ACKR2: variants seen among roughly 807,000 people sequenced by gnomAD.
The protein encoded by ACKR2 is atypical chemokine receptor 2.
For synonymous variants in ACKR2, 207 were observed against 192.2 expected (o/e 1.08, Z -0.64); for missense variants, 457 against 477.3 (o/e 0.96, Z 0.40).
At chr3:42,820,899 CT>C (rs1700804324) in intron 2 of ACKR2, among the ~76,000 whole-genome samples, 1 of 122,454 alleles carries the variant, frequency 8.2e-6, no homozygotes, top group African/African-American at 3.0e-5. Flanking sequence ...TTTTTTTTTT[CT>C]TTGAGATGGA....
chr3:42,847,394 C>T (rs1701109767), intron 2 of ACKR2, among the ~76,000 whole-genome samples: 1 of 152,074 alleles, frequency 6.6e-6, no homozygotes, highest in African/African-American at 2.4e-5. Context: ...TTTGTGCCGT[C>T]AATGGAGCAT....
At chr3:42,820,786 G>C (rs55953104) in intron 2 of ACKR2, among the ~76,000 whole-genome samples, 33,387 of 149,922 alleles carry the variant, frequency 0.22, 4,457 homozygotes, top group Non-Finnish European at 0.31. Flanking sequence ...TATAGCTGAT[G>C]AGAAGGAAAT....
At chr3:42,820,178 G>A (rs1306535938) in intron 2 of ACKR2, among the ~76,000 whole-genome samples, 2 of 152,184 alleles carry the variant, frequency 1.3e-5, no homozygotes, top group Non-Finnish European at 2.9e-5. Context: ...TCCTTTGTCA[G>A]AGATGGATGA....
chr3:42,827,693 C>G (rs1467936471), intron 2 of ACKR2, among the ~76,000 whole-genome samples: 1 of 152,064 alleles, frequency 6.6e-6, no homozygotes, highest in Non-Finnish European at 1.5e-5. Flanking sequence ...CAAGATTTGA[C>G]CAAGTGCCAA....
At chr3:42,818,220 T>G (rs1287635473) in intron 1 of ACKR2, among the ~76,000 whole-genome samples, 1 of 152,188 alleles carries the variant, frequency 6.6e-6, no homozygotes. Flanking sequence ...GCTCTCTACA[T>G]CTCTCTCCGC....
chr3:42,849,223 C>T (rs940787508), intron 2 of ACKR2, among the ~76,000 whole-genome samples: 10 of 152,120 alleles, frequency 6.6e-5, no homozygotes, highest in Non-Finnish European at 1.3e-4. Context: ...CCTTAGAGGC[C>T]GGCTGCTGTG....
intron 2 of ACKR2, among the ~76,000 whole-genome samples, chr3:42,862,642 G>A (rs748142184): frequency 1.3e-5 from 2 of 152,154 alleles, no homozygotes; most frequent in Non-Finnish European, 2.9e-5. Flanking sequence ...AAACAGCATG[G>A]TACTGCTACC....
At position 42,864,502 on chromosome 3, in the gene ACKR2, C is replaced by T. The variant is rs1455629952; in HGVS notation, c.-1C>T. 3.1e-6 allele frequency: 5 copies of T among 1,590,768 alleles called. No individual in the cohort carries two copies. Among genetic ancestry groups the T allele is most frequent in the Non-Finnish European group, 4.3e-6 (5 of 1,167,262 alleles). ...GTCGGGACTGGGCATTTCCTTCCAA[C>T]ATGGCCGCCACTGCCTCTCCGCAGC... On this transcript the variant is annotated 5_prime_UTR_variant, in exon 3 of 3. Transcript: ENST00000422265.
chr3:42,849,739 G>A lies in ACKR2; in HGVS notation c.-37-14727G>A, dbSNP rs1250026717. Among the ~76,000 whole-genome samples, 72 of 152,172 alleles carry A rather than the reference G, an allele frequency of 4.7e-4. 1 individual carries two copies. Among genetic ancestry groups the A allele is most frequent in the Non-Finnish European group, 1.2e-4 (8 of 68,020 alleles). On this transcript the variant is annotated intron_variant, in intron 2 of 2. Coordinates refer to ENST00000422265, the MANE Select transcript of ACKR2 (RefSeq NM_001296.5). ...ACCATTTGAATGGTTGGCCACATGC[G>A]ATTGGCTGAAACTCTGTAATTGGCA... is the stretch of plus-strand genomic sequence containing the variant.
intron 2 of ACKR2, among the ~76,000 whole-genome samples, chr3:42,837,250 T>G (rs1435795364): frequency 6.6e-6 from 1 of 151,808 alleles, no homozygotes; most frequent in Non-Finnish European, 1.5e-5. Flanking sequence ...TGGGTTTCAC[T>G]CTGTCGCCTA....
At chr3:42,821,854 G>A (rs552603199) in intron 2 of ACKR2, among the ~76,000 whole-genome samples, 124 of 151,926 alleles carry the variant, frequency 8.2e-4, no homozygotes, top group Admixed American at 3.3e-3. Flanking sequence ...CCACTACCAC[G>A]CCCGGCTAAT....
intron 2 of ACKR2, among the ~76,000 whole-genome samples, chr3:42,825,339 A>G (rs1700851577): frequency 6.6e-6 from 1 of 152,190 alleles, no homozygotes; most frequent in Non-Finnish European, 1.5e-5. Flanking sequence ...ATCCGTGAAC[A>G]TGAAATGTAA....
chr3:42,863,837 C>T (rs2088406566), intron 2 of ACKR2, among the ~76,000 whole-genome samples: 1 of 151,970 alleles, frequency 6.6e-6, no homozygotes, highest in Admixed American at 6.6e-5. Flanking sequence ...GGGAGGGGAA[C>T]ATCACACATC....
intron 2 of ACKR2, among the ~76,000 whole-genome samples, chr3:42,822,280 T>TA (rs1265087063): frequency 6.6e-6 from 1 of 152,182 alleles, no homozygotes; most frequent in Admixed American, 6.5e-5. Flanking sequence ...TTTCCGTTTT[T>TA]AAAAATATAT....
intron 2 of ACKR2, among the ~76,000 whole-genome samples, chr3:42,833,194 GCTCA>G (rs1364798341): frequency 2.0e-5 from 3 of 151,180 alleles, no homozygotes; most frequent in African/African-American, 7.3e-5. Flanking sequence ...AGAGATGAGG[GCTCA>G]CTAAGTTGCC....
intron 2 of ACKR2, among the ~76,000 whole-genome samples, chr3:42,841,166 T>TA (rs1701033539): frequency 6.6e-6 from 1 of 152,224 alleles, no homozygotes; most frequent in Non-Finnish European, 1.5e-5. Context: ...TACCAAGTTT[T>TA]AAAAAAATTA....
chr3:42,820,461 T>C (rs577214870), intron 2 of ACKR2, among the ~76,000 whole-genome samples: 11 of 151,746 alleles, frequency 7.2e-5, no homozygotes, highest in East Asian at 3.9e-4. Flanking sequence ...GATGTGGTGG[T>C]GGGCGCCTGT....
chr3:42,852,664 T>C lies in ACKR2; in HGVS notation c.-37-11802T>C, dbSNP rs1701174905. Among the ~76,000 whole-genome samples the C allele has an allele frequency of 6.6e-6, 1 of 152,132 alleles. No homozygotes were observed. The highest frequency in any genetic ancestry group is 1.5e-5 in the Non-Finnish European group (1 of 68,016). Reference sequence around the variant, plus strand: ...CAAGGCCACTCCCTTCCAGCCAGACTTTGTGTAATCTGGTGTACCAGACGT... The same window carrying C: ...CAAGGCCACTCCCTTCCAGCCAGACCTTGTGTAATCTGGTGTACCAGACGT... On this transcript the variant is annotated intron_variant, in intron 2 of 2. Transcript: ENST00000422265. This position sits in a 1 kb window ranked among gnomAD's most constrained non-coding sequence, Gnocchi z 4.3.
intron 2 of ACKR2, chr3:42,856,437 T>C: frequency 1.4e-6 from 1 of 702,080 alleles, no homozygotes; most frequent in Non-Finnish European, 2.6e-6. Flanking sequence ...TTGGGTCAAC[T>C]GAGGACCCGA....
Sources: gnomAD v4.1 joint callset for allele counts (sites outside exome capture counted in the v4.1 genomes callset) on GRCh38, gnomAD v4.1.1 for gene constraint, Gnocchi (gnomAD v3.1) non-coding constraint, MANE v1.5 for transcripts, NCBI Gene and HGNC (gene_info 2026-07-23, HGNC 2026-07-21) for gene names.